The following ZNF385B variants were observed in gnomAD, a reference collection of about 807,000 sequenced individuals.
ZNF385B encodes the protein zinc finger protein 385B.
In ZNF385B, 23 loss-of-function variants were observed where a neutral mutation model predicts 39.2. The observed-to-expected ratio is 0.59, with a 90% CI of 0.42 to 0.83. ZNF385B has a LOEUF of 0.83. Among genes scored for constraint, ZNF385B ranks in the 40% least tolerant of loss-of-function variants. The pLI is 0.00. For missense variants in ZNF385B, 552 were observed against 598.9 expected, an observed-to-expected ratio of 0.92 and a Z score of 0.82; for synonymous variants, 205 against 222.6, an observed-to-expected ratio of 0.92 and a Z score of 0.70.
intron 3 of ZNF385B, among the ~76,000 whole-genome samples, chr2:179,680,529 G>C (rs190502265): frequency 6.6e-6 from 1 of 152,010 alleles, no homozygotes; most frequent in Non-Finnish European, 1.5e-5. Context: ...TCTGATTGCT[G>C]GTAATGTTCT....
chr2:179,760,223 C>T (rs115654496), intron 3 of ZNF385B, among the ~76,000 whole-genome samples: 24 of 144,476 alleles, frequency 1.7e-4, no homozygotes, highest in African/African-American at 3.8e-4. Flanking sequence ...TTCCTGTGTG[C>T]GTGTGTGTGT....
intron 1 of ZNF385B, among the ~76,000 whole-genome samples, chr2:179,798,261 C>A (rs1368033292): frequency 6.6e-6 from 1 of 151,938 alleles, no homozygotes; most frequent in African/African-American, 2.4e-5. Flanking sequence ...CCTATCTCTT[C>A]TTTATTTCCT....
intron 5 of ZNF385B, among the ~76,000 whole-genome samples, chr2:179,507,221 G>T (rs1412572193): frequency 2.6e-5 from 4 of 152,160 alleles, no homozygotes; most frequent in Non-Finnish European, 5.9e-5. Context: ...TCAGTCATAT[G>T]TCTTAAGTGA....
At chr2:179,810,981 A>G (rs995187060) in intron 1 of ZNF385B, among the ~76,000 whole-genome samples, 3 of 152,180 alleles carry the variant, frequency 2.0e-5, no homozygotes, top group Non-Finnish European at 4.4e-5. Context: ...AAATCAATGT[A>G]GAAAAATCAG....
chr2:179,731,958 C>A (rs1472158703), intron 3 of ZNF385B, among the ~76,000 whole-genome samples: 1 of 152,172 alleles, frequency 6.6e-6, no homozygotes, highest in Non-Finnish European at 1.5e-5. Context: ...AGGCATGACA[C>A]GAACAGACCA....
chr2:179,783,719 T>C (rs1024517894), intron 1 of ZNF385B, among the ~76,000 whole-genome samples: 2 of 152,024 alleles, frequency 1.3e-5, no homozygotes, highest in Non-Finnish European at 2.9e-5. Flanking sequence ...AAGAAGCATA[T>C]GAAAAAAAGC....
chr2:179,760,780 G>T (rs535400112), intron 3 of ZNF385B, among the ~76,000 whole-genome samples: 8 of 152,244 alleles, frequency 5.3e-5, no homozygotes, highest in Admixed American at 2.6e-4. Flanking sequence ...CAGAGCAGAA[G>T]ATGTTGTGAA....
At chr2:179,613,530 C>G (rs1248667770) in intron 3 of ZNF385B, among the ~76,000 whole-genome samples, 1 of 152,106 alleles carries the variant, frequency 6.6e-6, no homozygotes, top group Non-Finnish European at 1.5e-5. Context: ...CCTTCTGAAC[C>G]AGGGTGTGTC....
In ZNF385B at chr2:179,756,599, A is replaced by G. The variant is rs553502393; in HGVS notation, c.298+12904T>C. On this transcript the variant is annotated intron_variant, in intron 3 of 9. Coordinates refer to ENST00000410066, the MANE Select transcript of ZNF385B (RefSeq NM_152520.6). ...TTTCCAACTTGCTTCCATTCTCCCC[A>G]TCACTTTCAGGTACACCAATCAAAC... 3.2e-3 allele frequency among the ~76,000 whole-genome samples: 483 copies of G among 152,266 alleles called. 1 individual carries two copies. Among genetic ancestry groups the G allele is most frequent in the Non-Finnish European group, 5.6e-3 (378 of 68,018 alleles).
At chr2:179,761,356 T>G (rs1353868484) in intron 3 of ZNF385B, among the ~76,000 whole-genome samples, 1 of 152,194 alleles carries the variant, frequency 6.6e-6, no homozygotes, top group African/African-American at 2.4e-5. Flanking sequence ...TTAATCTTGT[T>G]GAGTTTTCTA....
chr2:179,736,319 T>TC lies in ZNF385B; in HGVS notation c.298+33183dup, dbSNP rs749032073. ...AAAAATAAATAATGGGACTTTTTTT[T>TC]CTCTATCAATTTTGCAGATTTTTTT... On this transcript the variant is annotated intron_variant, in intron 3 of 9. Coordinates refer to ENST00000410066, the MANE Select transcript of ZNF385B (RefSeq NM_152520.6). 3.4e-4 allele frequency among the ~76,000 whole-genome samples: 51 copies of TC among 152,180 alleles called. 3 individuals carry two copies. Among genetic ancestry groups the TC allele is most frequent in the Non-Finnish European group, 1.9e-4 (13 of 68,038 alleles).
At chr2:179,445,316 T>C (rs563051920) in intron 8 of ZNF385B, among the ~76,000 whole-genome samples, 12 of 152,308 alleles carry the variant, frequency 7.9e-5, no homozygotes, top group African/African-American at 1.9e-4. Context: ...GTGACTACTG[T>C]TCCTATCTCT....
At chr2:179,513,057 T>C (rs1336908653) in intron 5 of ZNF385B, among the ~76,000 whole-genome samples, 1 of 152,184 alleles carries the variant, frequency 6.6e-6, no homozygotes, top group Non-Finnish European at 1.5e-5. Context: ...CAAAATGCAG[T>C]CTGTTTACTG....
chr2:179,446,595 T>G lies in ZNF385B; in HGVS notation c.891A>C (p.Lys297Asn). The change falls in exon 7 of 10, where the codon AAA becomes AAC. Residue 297 changes from lysine (K) to asparagine (N), a missense_variant. By Grantham distance (94) the Lys-to-Asn change is moderately conservative. Transcript: ENST00000410066. ...TVVESEEEKA[K>N]KLLYCSLCKV... ...TGCATAGTGAACAATAAAGTAATTTTTTGGCTTTTTCTTCTTCTGATTCAA... is the reference window on the plus strand; with the variant it reads ...TGCATAGTGAACAATAAAGTAATTTGTTGGCTTTTTCTTCTTCTGATTCAA... 3 of 1,614,146 alleles carry G rather than the reference T, an allele frequency of 1.9e-6. No homozygotes were observed. Among genetic ancestry groups the G allele is most frequent in the Non-Finnish European group, 2.5e-6 (3 of 1,179,998 alleles).
Position 179,785,395 on chromosome 2 carries a change from G to A in ZNF385B, c.-154-14723C>T, listed in dbSNP as rs554442351. The stretch of plus-strand genomic sequence containing the variant: ...AAATCTATATGCTCACAAAGAAAAC[G>A]TATTATTTAAGAAATACATTTTGAA... On this transcript the variant is annotated intron_variant, in intron 1 of 9. Coordinates refer to ENST00000410066, the MANE Select transcript of ZNF385B (RefSeq NM_152520.6). Among the ~76,000 whole-genome samples, 6 of 152,126 alleles carry A rather than the reference G, an allele frequency of 3.9e-5. No homozygotes were observed. The South Asian group carries it at 6.2e-4, about 16-fold the overall frequency.
At chr2:179,477,738 T>C (rs2053583568) in intron 6 of ZNF385B, among the ~76,000 whole-genome samples, 1 of 152,176 alleles carries the variant, frequency 6.6e-6, no homozygotes, top group Admixed American at 6.5e-5. Flanking sequence ...TTTGAGAATA[T>C]TTATCATTTG....
At position 179,684,800 on chromosome 2, in the gene ZNF385B, G is replaced by A. The variant is rs75935231; in HGVS notation, c.298+84703C>T. Among the ~76,000 whole-genome samples the A allele has an allele frequency of 5.2e-3, 796 of 152,236 alleles. 5 individuals are homozygous for A. The highest frequency in any genetic ancestry group is 0.018 in the African/African-American group (756 of 41,546). On this transcript the variant is annotated intron_variant, in intron 3 of 9. Coordinates refer to ENST00000410066, the MANE Select transcript of ZNF385B (RefSeq NM_152520.6). ...CAAGGAATGTCCAAAGACACCCAAG[G>A]CAACCTACCCTCTCCGAGGATTTAG...
intron 1 of ZNF385B, among the ~76,000 whole-genome samples, chr2:179,828,559 G>A (rs1479513004): frequency 6.6e-6 from 1 of 151,968 alleles, no homozygotes; most frequent in Non-Finnish European, 1.5e-5. Context: ...TTAATACTAA[G>A]CAAACCATCA....
intron 3 of ZNF385B, among the ~76,000 whole-genome samples, chr2:179,703,088 G>A (rs1699330912): frequency 6.6e-6 from 1 of 152,180 alleles, no homozygotes; most frequent in Non-Finnish European, 1.5e-5. Context: ...TTATAACCTT[G>A]GCTCTTCTTT....
Sources: allele counts gnomAD v4.1 joint callset (sites outside exome capture counted in the v4.1 genomes callset), GRCh38; gene constraint gnomAD v4.1.1; transcripts MANE v1.5; gene names NCBI Gene and HGNC (gene_info 2026-07-23, HGNC 2026-07-21).